The following E2F7 variants were observed in gnomAD, a reference collection of about 807,000 sequenced individuals.
E2F7 encodes transcription factor E2F7.
In E2F7, 35 loss-of-function variants were observed where a neutral mutation model predicts 81.1. That is an observed-to-expected ratio of 0.43 (90% confidence interval 0.33 to 0.57). The LOEUF is 0.57. Ranked by LOEUF, E2F7 falls within the 20% of genes least tolerant of loss-of-function variation. The probability of loss-of-function intolerance (pLI) is 0.04; values close to 1 mark genes in which losing one functional copy is unlikely to be tolerated. For missense variants in E2F7, 961 were observed against 1,093.7 expected, an observed-to-expected ratio of 0.88 and a Z score of 1.71; for synonymous variants, 416 against 416.2, an observed-to-expected ratio of 1.00 and a Z score of 0.01.
chr12:77,026,220 C>T (rs1425348671), intron 11 of E2F7, among the ~76,000 whole-genome samples: 1 of 152,216 alleles, frequency 6.6e-6, no homozygotes, highest in Admixed American at 6.5e-5. Context: ...AAGTTTTTAA[C>T]ATGAGTTCCA....
intron 7 of E2F7, among the ~76,000 whole-genome samples, chr12:77,037,702 A>T (rs906167121): frequency 1.3e-5 from 2 of 152,220 alleles, no homozygotes; most frequent in African/African-American, 2.4e-5. Flanking sequence ...TGGAAGCATA[A>T]GAAATACTTA....
chr12:77,027,004 T>C (rs942449647), intron 11 of E2F7, among the ~76,000 whole-genome samples: 1 of 152,234 alleles, frequency 6.6e-6, no homozygotes, highest in South Asian at 2.1e-4. Flanking sequence ...GGCTGTAATT[T>C]TCATTCAGCA....
At chr12:77,059,760 C>T (rs1204661173) in intron 2 of E2F7, among the ~76,000 whole-genome samples, 2 of 152,082 alleles carry the variant, frequency 1.3e-5, no homozygotes, top group African/African-American at 2.4e-5. Flanking sequence ...AGATCGAGAC[C>T]ATCCTGGCTA....
intron 3 of E2F7, among the ~76,000 whole-genome samples, chr12:77,051,793 C>T (rs1362111050): frequency 6.6e-6 from 1 of 152,154 alleles, no homozygotes; most frequent in East Asian, 1.9e-4. Flanking sequence ...TCTCTTCTAT[C>T]TCATATTGAA....
intron 9 of E2F7, among the ~76,000 whole-genome samples, chr12:77,030,590 T>C (rs1003976810): frequency 6.6e-6 from 1 of 152,236 alleles, no homozygotes; most frequent in Non-Finnish European, 1.5e-5. Flanking sequence ...CATTCATTCC[T>C]CCTTCATCTC....
intron 2 of E2F7, among the ~76,000 whole-genome samples, chr12:77,058,728 CAT>C (rs1955054242): frequency 6.6e-6 from 1 of 152,214 alleles, no homozygotes; most frequent in Admixed American, 6.5e-5. Context: ...TAGTTCCTGG[CAT>C]ATAGTGAGCG....
chr12:77,041,172 C>A (rs775241892), intron 7 of E2F7, among the ~76,000 whole-genome samples: 9 of 152,184 alleles, frequency 5.9e-5, no homozygotes, highest in Admixed American at 6.5e-5. Context: ...TTCTCAACAG[C>A]CGCTCATCTT....
chr12:77,031,572 C>T (rs966538847), intron 9 of E2F7, among the ~76,000 whole-genome samples: 3 of 151,846 alleles, frequency 2.0e-5, no homozygotes, highest in African/African-American at 4.8e-5. Context: ...ACCCGGGAGG[C>T]GGAGGTTGCA....
At position 77,024,104 on chromosome 12, in the gene E2F7, G is replaced by C. The variant is rs1954737810; in HGVS notation, c.2647C>G (p.Pro883Ala). Residue 883 changes from proline to alanine, a missense_variant, in exon 13 of 13, where the codon CCT becomes GCT. Around this residue, in one of 3 missense-constraint regions of E2F7, gnomAD observed 587 missense variants for 620.3 expected, o/e 0.95. Transcript: ENST00000322886. Reference sequence around the variant, plus strand: ...TTCCTTTCTCTTCTCTTCAGGACAGGGTCTCCAAGGCTGCCGGGTGTCTTG... The same window carrying C: ...TTCCTTTCTCTTCTCTTCAGGACAGCGTCTCCAAGGCTGCCGGGTGTCTTG... ...FFKTPGSLGDPVLKRRERNQS... is the reference protein window; with the variant it reads ...FFKTPGSLGDAVLKRRERNQS... The C allele has an allele frequency of 6.2e-7, 1 of 1,613,988 alleles. No homozygotes were observed. Among genetic ancestry groups the C allele is most frequent in the Non-Finnish European group, 8.5e-7 (1 of 1,180,010 alleles).
In E2F7 at chr12:77,033,086, G is replaced by T. The variant is rs780243714; in HGVS notation, c.1346C>A (p.Ala449Glu). The T allele has an allele frequency of 6.2e-7, 1 of 1,613,716 alleles. No individual in the cohort carries two copies. Among genetic ancestry groups the T allele is most frequent in the Non-Finnish European group, 8.5e-7 (1 of 1,179,966 alleles). Reference protein sequence around the residue: ...GGYSLEIGSLAAVYRQKIEDN... With the variant: ...GGYSLEIGSLEAVYRQKIEDN... ...TTCTATTTTCTGTCTATAGACAGCT[G>T]CCAGGCTTCCAATTTCTAAAGAGTA... Residue 449 changes from alanine to glutamate, a missense_variant, in exon 9 of 13, where the codon GCA (alanine) becomes GAA (glutamate). Around this residue, in one of 3 missense-constraint regions of E2F7, gnomAD observed 587 missense variants for 620.3 expected, o/e 0.95. Transcript: ENST00000322886.
chr12:77,064,228 A>T (rs1197320095), intron 2 of E2F7, among the ~76,000 whole-genome samples: 1 of 152,222 alleles, frequency 6.6e-6, no homozygotes, highest in Non-Finnish European at 1.5e-5. Context: ...TAGCATTCCT[A>T]CAGAGCACTA....
chr12:77,040,715 A>C (rs1242860812), intron 7 of E2F7, among the ~76,000 whole-genome samples: 1 of 152,154 alleles, frequency 6.6e-6, no homozygotes, highest in Non-Finnish European at 1.5e-5. Flanking sequence ...AGGAATTACA[A>C]AGGGGGCAGG....
chr12:77,025,427 G>C (rs977091165), intron 12 of E2F7, 131 bp downstream of exon 12: 3 of 963,740 alleles, frequency 3.1e-6, no homozygotes, highest in Non-Finnish European at 4.6e-6. Context: ...GATAACTCTA[G>C]GTCTACAACG....
At chr12:77,061,755 G>A (rs951766423) in intron 2 of E2F7, among the ~76,000 whole-genome samples, 3 of 152,124 alleles carry the variant, frequency 2.0e-5, no homozygotes, top group Non-Finnish European at 2.9e-5. Context: ...GGTATTCCCC[G>A]GAGAGATTCC....
At chr12:77,062,866 C>T (rs1218366323) in intron 2 of E2F7, among the ~76,000 whole-genome samples, 1 of 150,046 alleles carries the variant, frequency 6.7e-6, no homozygotes, top group Non-Finnish European at 1.5e-5. Context: ...TGGGCATTTC[C>T]ACCCTCATGA....
At chr12:77,027,755 G>A (rs1954771126) in intron 11 of E2F7, 128 bp downstream of exon 11, 1 of 1,280,466 alleles carries the variant, frequency 7.8e-7, no homozygotes, top group African/African-American at 1.5e-5. Context: ...AAACAAAGGG[G>A]CTAAGAGTAA....
chr12:77,052,368 C>T (rs916124856), intron 3 of E2F7, among the ~76,000 whole-genome samples: 1 of 151,964 alleles, frequency 6.6e-6, no homozygotes, highest in East Asian at 1.9e-4. Flanking sequence ...CAGGGATGGA[C>T]AATGGAACAG....
At chr12:77,043,479 A>C (rs888303529) in intron 6 of E2F7, among the ~76,000 whole-genome samples, 4 of 151,976 alleles carry the variant, frequency 2.6e-5, no homozygotes, top group African/African-American at 9.7e-5. Context: ...GATTGCAAAA[A>C]CACCAAGGGA....
At chr12:77,064,188 CA>C (rs978540145) in intron 2 of E2F7, among the ~76,000 whole-genome samples, 2 of 152,212 alleles carry the variant, frequency 1.3e-5, no homozygotes, top group African/African-American at 4.8e-5. Context: ...TTTATGCCTG[CA>C]AAGGTCTATT....
Sources: gnomAD v4.1 joint callset for allele counts (sites outside exome capture counted in the v4.1 genomes callset) on GRCh38, gnomAD v4.1.1 for gene constraint, gnomAD v4.1.1 regional missense constraint, MANE v1.5 for transcripts, NCBI Gene and HGNC (gene_info 2026-07-23, HGNC 2026-07-21) for gene names.